The following VAV2 variants were observed in gnomAD, a reference collection of about 807,000 sequenced individuals.
VAV2 encodes the protein vav guanine nucleotide exchange factor 2.
VAV2 carries 67 observed loss-of-function variants against 132.5 expected under a neutral mutation model. The observed-to-expected ratio is 0.51, with a 90% CI of 0.42 to 0.62. VAV2 has a LOEUF of 0.62. VAV2 is among the 20% of genes least tolerant of loss of function. The pLI, the probability that VAV2 is intolerant of heterozygous loss-of-function variation, is 0.00. For missense variants in VAV2, 938 were observed against 1,153.6 expected (o/e 0.81, Z 2.71); for synonymous variants, 492 against 443.5 (o/e 1.11, Z -1.37).
rs1350540931 is a variant in VAV2 at position 133,797,735 on chromosome 9, C to T, written c.911G>A (p.Arg304Gln). ...CTCGACTTTCTGCCTGAAGTCCTCC[C>T]GGCTGGCCAGGAGCTGGTTCAGTGT... ...QNTLNQLLAS[R>Q]EDFRQKVEEC... The change falls in exon 10 of 30, where the codon CGG (arginine) becomes CAG (glutamine). Residue 304 changes from arginine (R) to glutamine (Q), a missense_variant. By Grantham distance (43) the Arg-to-Gln change is conservative. Coordinates refer to ENST00000371850, the MANE Select transcript of VAV2 (RefSeq NM_001134398.2). The T allele has an allele frequency of 1.8e-5, 29 of 1,613,918 alleles. No individual in the cohort carries two copies. The highest frequency in any genetic ancestry group is 4.5e-5 in the East Asian group (2 of 44,894).
chr9:133,953,900 C>T (rs1841652699), intron 1 of VAV2, among the ~76,000 whole-genome samples: 1 of 152,188 alleles, frequency 6.6e-6, no homozygotes, highest in Non-Finnish European at 1.5e-5. Context: ...GGTGTCCTCC[C>T]TCTGCAGAAA....
In VAV2 at chr9:133,776,016, C is replaced by T. The variant is rs749647931; in HGVS notation, c.2018+12G>A. 1.0e-5 allele frequency: 16 copies of T among 1,604,906 alleles called. No homozygotes were observed. The highest frequency in any genetic ancestry group is 3.3e-5 in the South Asian group (3 of 90,234). On this transcript the variant is annotated intron_variant, in intron 24 of 29. Coordinates refer to ENST00000371850, the MANE Select transcript of VAV2 (RefSeq NM_001134398.2). ...ACCAGATGCCCATGTCTGCAGCCCACGATCCACTCACCAGGGGTATGCAGT... is the reference window on the plus strand; with the variant it reads ...ACCAGATGCCCATGTCTGCAGCCCATGATCCACTCACCAGGGGTATGCAGT...
At chr9:133,832,000 G>A (rs1453431658) in intron 4 of VAV2, among the ~76,000 whole-genome samples, 1 of 152,194 alleles carries the variant, frequency 6.6e-6, no homozygotes, top group Non-Finnish European at 1.5e-5. Context: ...ATGAAGCCCA[G>A]CAGTGCCCAG....
At chr9:133,852,366 G>T (rs1010820438) in intron 3 of VAV2, among the ~76,000 whole-genome samples, 1 of 142,308 alleles carries the variant, frequency 7.0e-6, no homozygotes, top group Admixed American at 7.4e-5. Flanking sequence ...GTAGACAGAA[G>T]AATAAAAAGA....
intron 3 of VAV2, among the ~76,000 whole-genome samples, chr9:133,848,060 G>A (rs183106412): frequency 6.9e-4 from 105 of 152,206 alleles, no homozygotes; most frequent in Admixed American, 2.2e-3. Context: ...GGCGGATCAC[G>A]AGGTCAGGAG....
chr9:133,894,105 G>A, intron 2 of VAV2, among the ~76,000 whole-genome samples: 1 of 152,224 alleles, frequency 6.6e-6, no homozygotes, highest in South Asian at 2.1e-4. Flanking sequence ...ATTCAGGGAA[G>A]CTGCACGGGT....
intron 2 of VAV2, among the ~76,000 whole-genome samples, chr9:133,907,671 T>A (rs1456788503): frequency 6.6e-6 from 1 of 152,220 alleles, no homozygotes; most frequent in Non-Finnish European, 1.5e-5. Flanking sequence ...TCCACCGCCA[T>A]CCTCGTAAAT....
chr9:133,828,779 G>C (rs1026432367), intron 4 of VAV2, among the ~76,000 whole-genome samples: 3 of 152,196 alleles, frequency 2.0e-5, no homozygotes, highest in Admixed American at 6.5e-5. Flanking sequence ...ACTTGCGCTG[G>C]AACAACCCTC....
chr9:133,763,942 G>A lies in VAV2; in HGVS notation c.*120C>T. ...TCTCAACACCCTCCCTATCCCTGTG[G>A]GCAGTGGAAGACTGGGAGGTTGGTA... is the stretch of plus-strand genomic sequence containing the variant. On this transcript the variant is annotated 3_prime_UTR_variant, in exon 30 of 30. Coordinates refer to ENST00000371850, the MANE Select transcript of VAV2 (RefSeq NM_001134398.2). This position sits in a 1 kb window ranked among gnomAD's most constrained non-coding sequence, Gnocchi z 6.8. 1 of 1,206,282 alleles carries A rather than the reference G, an allele frequency of 8.3e-7. No individual in the cohort carries two copies. Among genetic ancestry groups the A allele is most frequent in the Admixed American group, 1.8e-5 (1 of 56,938 alleles). The allele number at this position is 1,206,282 out of a possible 1,614,324, so 74.7% of individuals were successfully genotyped here. A position where few individuals can be genotyped will look rare whatever the true frequency, so the allele number is the denominator to read the frequency against.
chr9:133,927,639 C>T (rs537992979), intron 2 of VAV2, among the ~76,000 whole-genome samples: 2 of 152,284 alleles, frequency 1.3e-5, no homozygotes, highest in Admixed American at 1.3e-4. Flanking sequence ...GGCCCCACTC[C>T]AAGCGGCCCC....
chr9:133,773,128 C>T (rs577744451), intron 25 of VAV2, among the ~76,000 whole-genome samples: 1 of 142,054 alleles, frequency 7.0e-6, no homozygotes, highest in African/African-American at 2.6e-5. Context: ...CACACCTAGG[C>T]TGGACAGCAG....
chr9:133,823,994 A>T lies in VAV2; in HGVS notation c.449+10278T>A, dbSNP rs1055405150. Among the ~76,000 whole-genome samples, 1 of 151,670 alleles carries T rather than the reference A, an allele frequency of 6.6e-6. No homozygotes were observed. Among genetic ancestry groups the T allele is most frequent in the Admixed American group, 6.6e-5 (1 of 15,244 alleles). ...TCTCCCTCAGTGGTGGGGGTGGGGG[A>T]GCAGGGTTTCGAGGTCACTGAAGCC... On this transcript the variant is annotated intron_variant, in intron 4 of 29. Coordinates refer to ENST00000371850, the MANE Select transcript of VAV2 (RefSeq NM_001134398.2). This position sits in a 1 kb window ranked among gnomAD's most constrained non-coding sequence, Gnocchi z 5.5.
intron 1 of VAV2, among the ~76,000 whole-genome samples, chr9:133,949,729 CAG>C (rs1230233876): frequency 1.3e-5 from 2 of 152,238 alleles, no homozygotes; most frequent in Admixed American, 1.3e-4. Context: ...TACCAGAGCT[CAG>C]ACCCCAAACT....
At chr9:133,861,217 G>T in intron 3 of VAV2, 157 bp downstream of exon 3, 1 of 746,504 alleles carries the variant, frequency 1.3e-6, no homozygotes, top group Non-Finnish European at 2.0e-6. Flanking sequence ...ACCCCTTCCT[G>T]CAGCCGCCAA....
intron 1 of VAV2, among the ~76,000 whole-genome samples, chr9:133,964,028 T>C (rs867797748): frequency 1.5e-4 from 11 of 72,830 alleles, no homozygotes; most frequent in East Asian, 6.2e-4. Context: ...CATTCATATA[T>C]ATATATATAT....
Position 133,959,918 on chromosome 9 carries a change from T to TCGGA in VAV2, c.205-20703_205-20700dup, listed in dbSNP as rs533028668. On this transcript the variant is annotated intron_variant, in intron 1 of 29. Transcript: ENST00000371850. ...CTGCAGCCCTGATGTCCCTGAGAATTCGGACCTCTGGCCTCCGGAACTGGA... is the reference window on the plus strand; with the variant it reads ...CTGCAGCCCTGATGTCCCTGAGAATTCGGACGGACCTCTGGCCTCCGGAACTGGA... Among the ~76,000 whole-genome samples the TCGGA allele has an allele frequency of 5.5e-4, 84 of 152,284 alleles. 1 individual carries two copies. In the South Asian group the frequency reaches 0.017, roughly 30 times the overall value.
intron 2 of VAV2, among the ~76,000 whole-genome samples, chr9:133,909,274 C>T (rs561318953): frequency 1.1e-4 from 17 of 152,204 alleles, no homozygotes; most frequent in African/African-American, 1.7e-4. Flanking sequence ...AAGATGTGAG[C>T]GGCCTCCCCC....
intron 2 of VAV2, among the ~76,000 whole-genome samples, chr9:133,880,135 C>T (rs538478822): frequency 6.7e-6 from 1 of 150,150 alleles, no homozygotes; most frequent in South Asian, 2.2e-4. Flanking sequence ...GCGCCGTCTG[C>T]AGGAAGAGGG....
rs1484692289 is a variant in VAV2, at chr9:133,885,069, G to T, written c.322-23637C>A. Reference sequence around the variant, plus strand: ...CAGCCACAGTGACAGGCAGAGCCTAGATAAGTTGGGCCCTTCTGGAGGGTT... The same window carrying T: ...CAGCCACAGTGACAGGCAGAGCCTATATAAGTTGGGCCCTTCTGGAGGGTT... On this transcript the variant is annotated intron_variant, in intron 2 of 29. Transcript: ENST00000371850. This position sits in a 1 kb window ranked among gnomAD's most constrained non-coding sequence, Gnocchi z 5.0. Among the ~76,000 whole-genome samples, 1 of 152,260 alleles carries T rather than the reference G, an allele frequency of 6.6e-6. No individual in the cohort carries two copies. The highest frequency in any genetic ancestry group is 2.4e-5 in the African/African-American group (1 of 41,464).
Sources: allele counts gnomAD v4.1 joint callset (sites outside exome capture counted in the v4.1 genomes callset), GRCh38; gene constraint gnomAD v4.1.1; non-coding constraint Gnocchi (gnomAD v3.1); transcripts MANE v1.5; gene names NCBI Gene and HGNC (gene_info 2026-07-23, HGNC 2026-07-21).